ZC3H12D: variants seen among roughly 807,000 people sequenced by gnomAD.
The protein encoded by ZC3H12D is probable ribonuclease ZC3H12D.
A neutral mutation model predicts 24.2 loss-of-function variants in ZC3H12D; 11 were observed. The ratio of observed to expected loss-of-function variants is 0.46; its 90% CI spans 0.29 to 0.75. The LOEUF (loss-of-function observed/expected upper bound fraction) is 0.75. Ranked by LOEUF, ZC3H12D falls within the 30% of genes least tolerant of loss-of-function variation. The pLI is 0.11. For synonymous variants in ZC3H12D, 333 were observed against 341.8 expected (o/e 0.97, Z 0.28); for missense variants, 740 against 767.7 (o/e 0.96, Z 0.43).
At chr6:149,472,959 C>T (rs1203514773) in intron 2 of ZC3H12D, among the ~76,000 whole-genome samples, 6 of 152,152 alleles carry the variant, frequency 3.9e-5, no homozygotes, top group African/African-American at 1.4e-4. Context: ...TTTTAGCTTC[C>T]CAGAGATCTT....
At chr6:149,453,312 ATG>A (rs1454584578) in intron 4 of ZC3H12D, among the ~76,000 whole-genome samples, 2 of 131,266 alleles carry the variant, frequency 1.5e-5, no homozygotes, top group East Asian at 4.2e-4. Flanking sequence ...AAAAAAAAAA[ATG>A]ACAGCCTCCG....
chr6:149,451,197 G>A lies in ZC3H12D; in HGVS notation c.1070C>T (p.Pro357Leu). Residue 357 changes from proline to leucine, a missense_variant, in exon 6 of 6, where the codon CCC becomes CTC. By Grantham distance (98) the Pro-to-Leu change is moderately conservative (BLOSUM62 -3). Transcript: ENST00000409806. Reference protein sequence around the residue: ...SRLAFSDDLGPLGPPLPVPAC... With the variant: ...SRLAFSDDLGLLGPPLPVPAC... Reference sequence around the variant, plus strand: ...GGGGACCGGGAGAGGCGGCCCCAGGGGCCCCAGGTCGTCGCTGAAGGCCAG... The same window carrying A: ...GGGGACCGGGAGAGGCGGCCCCAGGAGCCCCAGGTCGTCGCTGAAGGCCAG... 7.6e-7 allele frequency: 1 copy of A among 1,310,380 alleles called. No individual in the cohort carries two copies. Among genetic ancestry groups the A allele is most frequent in the Non-Finnish European group, 9.7e-7 (1 of 1,035,722 alleles). The allele number at this position is 1,310,380 out of a possible 1,614,324, so 81.2% of individuals were successfully genotyped here.
intron 3 of ZC3H12D, chr6:149,461,624 G>GAACTAAT (rs1183653700): frequency 2.1e-5 from 8 of 387,188 alleles, no homozygotes; most frequent in Non-Finnish European, 3.6e-5. Context: ...TGAACTACTT[G>GAACTAAT]TTGAATACCA....
At chr6:149,462,225 T>C (rs1223923130) in intron 2 of ZC3H12D, among the ~76,000 whole-genome samples, 2 of 151,976 alleles carry the variant, frequency 1.3e-5, no homozygotes, top group African/African-American at 4.8e-5. Context: ...AATACAAAAA[T>C]TACCGAGGTG....
In ZC3H12D at chr6:149,457,142, G is replaced by T. The variant is rs183468396; in HGVS notation, c.446-242C>A. Among the ~76,000 whole-genome samples the T allele has an allele frequency of 7.6e-4, 116 of 152,340 alleles. 1 individual carries two copies. Among genetic ancestry groups the T allele is most frequent in the African/African-American group, 2.6e-3 (107 of 41,582 alleles). ...TTCCGTCCTGCCCACATCATGACAG[G>T]AGTCCAGAAAGCGATACTCTACAAG... On this transcript the variant is annotated intron_variant, in intron 3 of 5. Transcript: ENST00000409806.
chr6:149,475,991 T>C (rs909113416), intron 1 of ZC3H12D, among the ~76,000 whole-genome samples: 2 of 152,194 alleles, frequency 1.3e-5, no homozygotes, highest in African/African-American at 4.8e-5. Context: ...CCAAGCAACG[T>C]AGAAGCATAA....
chr6:149,480,550 A>T (rs578252384), intron 1 of ZC3H12D, among the ~76,000 whole-genome samples: 155 of 152,338 alleles, frequency 1.0e-3, no homozygotes, highest in African/African-American at 3.5e-3. Flanking sequence ...CAGCCTGACC[A>T]ACGTGGAGAA....
intron 1 of ZC3H12D, among the ~76,000 whole-genome samples, chr6:149,481,506 G>A (rs1211777345): frequency 2.0e-5 from 3 of 151,648 alleles, no homozygotes; most frequent in Non-Finnish European, 4.4e-5. Flanking sequence ...CTCCTGAGTA[G>A]CTGGGACTAC....
chr6:149,454,486 G>A (rs552559095), intron 4 of ZC3H12D, among the ~76,000 whole-genome samples: 7 of 152,304 alleles, frequency 4.6e-5, no homozygotes, highest in East Asian at 1.9e-4. Context: ...CTGCACAGCC[G>A]GCTTCTCAGA....
chr6:149,473,022 G>A (rs1776269958), intron 2 of ZC3H12D, among the ~76,000 whole-genome samples: 1 of 152,076 alleles, frequency 6.6e-6, no homozygotes, highest in African/African-American at 2.4e-5. Context: ...ACATGACATG[G>A]GTGACAATGT....
chr6:149,461,667 TGG>T, intron 3 of ZC3H12D, 162 bp downstream of exon 3: 1 of 670,138 alleles, frequency 1.5e-6, no homozygotes, highest in South Asian at 2.3e-5. Flanking sequence ...GCTAGGGCTA[TGG>T]CATTGAACAG....
Position 149,450,851 on chromosome 6 carries a change from G to T in ZC3H12D, c.1416C>A (p.Asp472Glu). ...CCCGGGCGCGCGCGTCCCCCTCGTCGTCCTCGGTCGCGTACACTGAAAGTC... is the reference window on the plus strand; with the variant it reads ...CCCGGGCGCGCGCGTCCCCCTCGTCTTCCTCGGTCGCGTACACTGAAAGTC... ...TGGLSVYATE[D>E]DEGDARARAR... The change falls in exon 6 of 6, where the codon GAC becomes GAA. Residue 472 changes from aspartate to glutamate, a missense_variant. By Grantham distance (45) the Asp-to-Glu change is conservative (BLOSUM62 2). Transcript: ENST00000409806. 6.5e-7 allele frequency: 1 copy of T among 1,544,078 alleles called. No individual in the cohort carries two copies. The highest frequency in any genetic ancestry group is 1.4e-5 in the African/African-American group (1 of 73,158).
chr6:149,481,533 G>A (rs1390832174), intron 1 of ZC3H12D, among the ~76,000 whole-genome samples: 4 of 151,736 alleles, frequency 2.6e-5, no homozygotes, highest in Non-Finnish European at 4.4e-5. Context: ...ATGCCACCAC[G>A]CCCAAGTAAT....
intron 3 of ZC3H12D, among the ~76,000 whole-genome samples, chr6:149,458,085 G>A (rs1440924230): frequency 7.4e-6 from 1 of 134,554 alleles, no homozygotes; most frequent in East Asian, 2.2e-4. Flanking sequence ...TGCAGATTAT[G>A]AGAATCATTT....
At chr6:149,459,028 C>G (rs536320840) in intron 3 of ZC3H12D, among the ~76,000 whole-genome samples, 1 of 152,054 alleles carries the variant, frequency 6.6e-6, no homozygotes, top group Non-Finnish European at 1.5e-5. Flanking sequence ...ATGTGTAACC[C>G]GCCCCCACAC....
At chr6:149,451,561 T>G (rs1775896752) in intron 5 of ZC3H12D, 82 bp from the exon 6 acceptor site, 2 of 1,253,718 alleles carry the variant, frequency 1.6e-6, no homozygotes, top group Non-Finnish European at 2.1e-6. Flanking sequence ...ATCCGGGGAG[T>G]GCCGGCCCGC....
At chr6:149,474,814 C>T (rs60207346) in intron 1 of ZC3H12D, among the ~76,000 whole-genome samples, 2,361 of 152,292 alleles carry the variant, frequency 0.016, 52 homozygotes, top group African/African-American at 0.053. Flanking sequence ...CTCACTGAGG[C>T]CTTCACCCCA....
intron 2 of ZC3H12D, among the ~76,000 whole-genome samples, chr6:149,472,208 C>T (rs998425946): frequency 5.9e-5 from 9 of 152,118 alleles, no homozygotes; most frequent in Admixed American, 3.9e-4. Context: ...TGGAACCTCA[C>T]ACTCCACTCT....
Position 149,448,859 on chromosome 6 carries a change from T to A in ZC3H12D, c.*1824A>T, listed in dbSNP as rs959419549. The A allele has an allele frequency of 2.6e-5, 4 of 152,254 alleles. No homozygotes were observed. The highest frequency in any genetic ancestry group is 9.6e-5 in the African/African-American group (4 of 41,466). 9.4% of individuals were successfully genotyped at this position (152,254 alleles called of 1,614,324 possible). A position where few individuals can be genotyped will look rare whatever the true frequency, so the allele number is the denominator to read the frequency against. On this transcript the variant is annotated 3_prime_UTR_variant, in exon 6 of 6. Coordinates refer to ENST00000409806, the MANE Select transcript of ZC3H12D (RefSeq NM_207360.3). ...GCCCCCCAGGCCTGCCAACATCTCA[T>A]GAAATCTGGTAGTAAACTGGCAAGA...
Sources: allele counts gnomAD v4.1 joint callset (sites outside exome capture counted in the v4.1 genomes callset), GRCh38; gene constraint gnomAD v4.1.1; transcripts MANE v1.5; gene names NCBI Gene and HGNC (gene_info 2026-07-23, HGNC 2026-07-21).